Variants in PCDHA5 observed in about 807,000 individuals in gnomAD.
PCDHA5 encodes the protein protocadherin alpha 5.
In PCDHA5, 43 loss-of-function variants were observed where a neutral mutation model predicts 61.6. The observed-to-expected ratio is 0.70, with a 90% CI of 0.55 to 0.90. The LOEUF is 0.90. Ranked by LOEUF, PCDHA5 falls within the 40% of genes least tolerant of loss-of-function variation. The pLI is 0.00. For missense variants in PCDHA5, 1,298 were observed against 1,222.7 expected (o/e 1.06, Z -0.92); for synonymous variants, 627 against 543.9 (o/e 1.15, Z -2.13).
In PCDHA5 at chr5:140,850,602, G is replaced by T. The variant is rs146973370; in HGVS notation, c.2352+26475G>T. ...GGATGTCAACGTGTACCTGATCATC[G>T]CCATCTGCGCGGTGTCTAGCCTGTT... On this transcript the variant is annotated intron_variant, in intron 1 of 3. Coordinates refer to ENST00000529859, the MANE Select transcript of PCDHA5 (RefSeq NM_018908.3). 1.5e-4 allele frequency: 240 copies of T among 1,598,420 alleles called. 25 individuals carry two copies. The highest frequency in any genetic ancestry group is 1.8e-4 in the Non-Finnish European group (209 of 1,167,886).
intron 1 of PCDHA5, chr5:140,857,784 T>A (rs782611887): frequency 6.3e-7 from 1 of 1,597,680 alleles, no homozygotes; most frequent in South Asian, 1.1e-5. Flanking sequence ...GTCAGTGAGC[T>A]GGTGCTGCGG....
chr5:140,935,257 C>A (rs1200153130), intron 1 of PCDHA5, among the ~76,000 whole-genome samples: 10 of 152,150 alleles, frequency 6.6e-5, no homozygotes, highest in South Asian at 4.1e-4. Context: ...AAATACATCA[C>A]ATGTTTATAC....
intron 3 of PCDHA5, among the ~76,000 whole-genome samples, chr5:140,992,192 C>T (rs2097497943): frequency 6.6e-6 from 1 of 152,124 alleles, no homozygotes; most frequent in Admixed American, 6.5e-5. Flanking sequence ...TTTCAGTGAT[C>T]TATCCAATCA....
chr5:140,838,352 G>A (rs908927118), intron 1 of PCDHA5, among the ~76,000 whole-genome samples: 1 of 150,310 alleles, frequency 6.7e-6, no homozygotes, highest in African/African-American at 2.5e-5. Flanking sequence ...TCGAAATCTG[G>A]GACTCAAGTG....
rs140423301 is a variant in PCDHA5 at position 140,995,612 on chromosome 5, C to T, written c.2500+13049C>T. Among the ~76,000 whole-genome samples, 11 of 152,156 alleles carry T rather than the reference C, an allele frequency of 7.2e-5. No individual in the cohort carries two copies. In the East Asian group the frequency reaches 2.1e-3, roughly 29 times the overall value. On this transcript the variant is annotated intron_variant, in intron 3 of 3. Transcript: ENST00000529859. ...AACTTAGTGTTTTTCTTCTCCCAAA[C>T]CAAATATTGGAAACTTTGGAGTGTT... is the stretch of plus-strand genomic sequence containing the variant.
chr5:140,891,694 T>A (rs1302084074), intron 1 of PCDHA5, among the ~76,000 whole-genome samples: 1 of 152,236 alleles, frequency 6.6e-6, no homozygotes, highest in East Asian at 1.9e-4. Flanking sequence ...TTCTTGCTGT[T>A]GTCTGAATTT....
At chr5:140,920,136 C>T (rs1554199437) in intron 1 of PCDHA5, among the ~76,000 whole-genome samples, 1 of 152,182 alleles carries the variant, frequency 6.6e-6, no homozygotes, top group African/African-American at 2.4e-5. Flanking sequence ...TTTAATTCTC[C>T]TCTCCAAACC....
In PCDHA5 at chr5:140,844,917, G is replaced by T. The variant is rs2150375061; in HGVS notation, c.2352+20790G>T. On this transcript the variant is annotated intron_variant, in intron 1 of 3. Coordinates refer to ENST00000529859, the MANE Select transcript of PCDHA5 (RefSeq NM_018908.3). ...TGCTTTGGAGAGAATGGTAGAAATT[G>T]ATGGAAGGGAATGAACGATTTCTGG... 3.9e-4 allele frequency among the ~76,000 whole-genome samples: 58 copies of T among 149,480 alleles called. 5 individuals carry two copies. The highest frequency in any genetic ancestry group is 2.2e-3 in the Admixed American group (33 of 14,920).
chr5:141,004,369 C>T (rs1239142670), intron 3 of PCDHA5, among the ~76,000 whole-genome samples: 1 of 152,324 alleles, frequency 6.6e-6, no homozygotes, highest in South Asian at 2.1e-4. Context: ...ACACCTTGTT[C>T]TGCTCTGCGG....
At chr5:140,967,390 G>A (rs2096135950) in intron 1 of PCDHA5, 2 of 1,609,752 alleles carry the variant, frequency 1.2e-6, no homozygotes, top group African/African-American at 1.3e-5. Context: ...AAGTGCTTGA[G>A]CTGGTGCTGC....
At chr5:140,877,340 A>G (rs782755927) in intron 1 of PCDHA5, 9 of 1,613,820 alleles carry the variant, frequency 5.6e-6, no homozygotes, top group Admixed American at 1.7e-5. Context: ...ATCCCGTTCC[A>G]CGTGGGGCTG....
intron 1 of PCDHA5, chr5:140,929,083 A>G (rs1554206659): frequency 1.2e-6 from 2 of 1,614,156 alleles, no homozygotes; most frequent in Admixed American, 3.3e-5. Context: ...TGGAAGTAAG[A>G]TGGTTTCAAA....
chr5:140,916,743 G>C (rs1355752854), intron 1 of PCDHA5, among the ~76,000 whole-genome samples: 1 of 152,156 alleles, frequency 6.6e-6, no homozygotes, highest in African/African-American at 2.4e-5. Context: ...AAGCTTCACT[G>C]CCTGGGATTA....
intron 1 of PCDHA5, among the ~76,000 whole-genome samples, chr5:140,936,113 G>A (rs1316824905): frequency 2.0e-5 from 3 of 151,964 alleles, no homozygotes; most frequent in South Asian, 2.1e-4. Context: ...GGCTGGTCTC[G>A]AACTCCTGAC....
intron 1 of PCDHA5, among the ~76,000 whole-genome samples, chr5:140,915,080 G>T (rs1279074888): frequency 6.6e-6 from 1 of 151,664 alleles, no homozygotes; most frequent in Non-Finnish European, 1.5e-5. Context: ...TGAGTAGCTG[G>T]GACTATGGGC....
chr5:141,001,811 C>A (rs1200900455), intron 3 of PCDHA5, among the ~76,000 whole-genome samples: 1 of 152,128 alleles, frequency 6.6e-6, no homozygotes, highest in Non-Finnish European at 1.5e-5. Flanking sequence ...ATTCTACAAT[C>A]GGCCAAATTC....
intron 1 of PCDHA5, among the ~76,000 whole-genome samples, chr5:140,977,050 G>A (rs546385020): frequency 6.6e-6 from 1 of 152,162 alleles, no homozygotes; most frequent in Non-Finnish European, 1.5e-5. Context: ...TGTTGCTGAT[G>A]GACTAGTATA....
At chr5:140,888,210 T>TTG (rs1325850915) in intron 1 of PCDHA5, among the ~76,000 whole-genome samples, 2 of 152,080 alleles carry the variant, frequency 1.3e-5, no homozygotes, top group Admixed American at 1.3e-4. Context: ...ATGCTGGATT[T>TTG]TGTGTGTGTG....
At chr5:140,914,962 T>C (rs1301307235) in intron 1 of PCDHA5, among the ~76,000 whole-genome samples, 2 of 136,964 alleles carry the variant, frequency 1.5e-5, no homozygotes, top group Non-Finnish European at 3.2e-5. Flanking sequence ...TTTTTTTTTT[T>C]CTGAGTCAGA....
Sources: allele counts gnomAD v4.1 joint callset (sites outside exome capture counted in the v4.1 genomes callset), GRCh38; gene constraint gnomAD v4.1.1; transcripts MANE v1.5; gene names NCBI Gene and HGNC (gene_info 2026-07-23, HGNC 2026-07-21).